MPPED2: variants seen among roughly 807,000 people sequenced by gnomAD.
MPPED2 encodes metallophosphoesterase domain containing 2, also known as metallophosphoesterase MPPED2.
In MPPED2, 5 loss-of-function variants were observed where a neutral mutation model predicts 33.0. The ratio of observed to expected loss-of-function variants is 0.15; its 90% confidence interval spans 0.08 to 0.32. The LOEUF is 0.32. MPPED2 is among the 10% of genes least tolerant of loss of function. MPPED2 has a pLI of 1.00. For synonymous variants in MPPED2, 136 were observed against 141.9 expected (o/e 0.96, Z 0.29); for missense variants, 275 against 372.1 (o/e 0.74, Z 2.15).
intron 2 of MPPED2, among the ~76,000 whole-genome samples, chr11:30,536,877 G>A (rs117162660): frequency 0.025 from 3,733 of 152,180 alleles, 82 homozygotes; most frequent in South Asian, 0.067. Flanking sequence ...TTACACCTGA[G>A]GTTACCAGGA....
At chr11:30,464,097 G>A (rs1628128) in intron 4 of MPPED2, among the ~76,000 whole-genome samples, 12,165 of 152,036 alleles carry the variant, frequency 0.08, 619 homozygotes, top group South Asian at 0.24. Flanking sequence ...TAATAACAAT[G>A]TAAATATTAT....
chr11:30,388,983 G>T lies in MPPED2; in HGVS notation c.767-27C>A. 1.9e-6 allele frequency: 3 copies of T among 1,543,546 alleles called. No individual in the cohort carries two copies. The Middle Eastern group carries it at 5.3e-4, about 275-fold the overall frequency. On this transcript the variant is annotated intron_variant, in intron 6 of 6. Transcript: ENST00000448418. ...TAAAGGGGAGAGAGAGAAAGAGAGA[G>T]GGAGAGAGAGAGAGAGATGAACATG...
intron 6 of MPPED2, among the ~76,000 whole-genome samples, chr11:30,400,385 G>A (rs1363980083): frequency 1.3e-5 from 2 of 152,318 alleles, no homozygotes; most frequent in Admixed American, 6.5e-5. Context: ...TCTATGGAGA[G>A]TATTTTAAGT....
intron 2 of MPPED2, among the ~76,000 whole-genome samples, chr11:30,571,573 C>A (rs1343677474): frequency 6.6e-6 from 1 of 152,044 alleles, no homozygotes; most frequent in African/African-American, 2.4e-5. Context: ...AATAGTCTAA[C>A]CATGCTAGGA....
chr11:30,419,422 T>G (rs1037757562), intron 4 of MPPED2, among the ~76,000 whole-genome samples: 13 of 152,244 alleles, frequency 8.5e-5, no homozygotes, highest in Non-Finnish European at 1.9e-4. Flanking sequence ...GAGTATCTTG[T>G]TGCTTGAAGC....
chr11:30,428,782 A>G (rs1948953600), intron 4 of MPPED2, among the ~76,000 whole-genome samples: 1 of 152,228 alleles, frequency 6.6e-6, no homozygotes, highest in Admixed American at 6.5e-5. Flanking sequence ...GTGATAATAT[A>G]TGTAATACAT....
chr11:30,411,806 T>TTTTCTTTA (rs1338623188), intron 6 of MPPED2, among the ~76,000 whole-genome samples: 1 of 152,182 alleles, frequency 6.6e-6, no homozygotes. Flanking sequence ...AGCAATTTTT[T>TTTTCTTTA]TTTCTTTATT....
intron 2 of MPPED2, among the ~76,000 whole-genome samples, chr11:30,547,223 T>C (rs972900661): frequency 3.9e-5 from 6 of 152,234 alleles, no homozygotes; most frequent in Non-Finnish European, 8.8e-5. Flanking sequence ...CCATCTACTG[T>C]GTTGTGCTAC....
intron 4 of MPPED2, among the ~76,000 whole-genome samples, chr11:30,478,648 T>C (rs1368796869): frequency 1.3e-5 from 2 of 152,148 alleles, no homozygotes; most frequent in Non-Finnish European, 2.9e-5. Context: ...CCCCATCTTG[T>C]TCCTGGACTC....
At chr11:30,519,653 C>A (rs1394562505) in intron 3 of MPPED2, among the ~76,000 whole-genome samples, 1 of 152,014 alleles carries the variant, frequency 6.6e-6, no homozygotes, top group East Asian at 1.9e-4. Context: ...ATAATGGATT[C>A]ACAAAATGAA....
intron 3 of MPPED2, among the ~76,000 whole-genome samples, chr11:30,533,657 AGCTATTCTTG>A (rs1335457827): frequency 1.3e-5 from 2 of 152,002 alleles, no homozygotes; most frequent in Non-Finnish European, 2.9e-5. Context: ...GGTAACAGTG[AGCTATTCTTG>A]GCCTTCTCTA....
chr11:30,578,766 T>C (rs1322958648), intron 2 of MPPED2, among the ~76,000 whole-genome samples: 1 of 152,148 alleles, frequency 6.6e-6, no homozygotes, highest in Non-Finnish European at 1.5e-5. Flanking sequence ...CTTACACAAA[T>C]ATTGTAACAT....
chr11:30,494,671 G>A (rs1390772820), intron 4 of MPPED2, among the ~76,000 whole-genome samples: 1 of 145,650 alleles, frequency 6.9e-6, no homozygotes, highest in African/African-American at 2.5e-5. Flanking sequence ...CCAGGAGGCG[G>A]AGGTTGCAGT....
rs146593271 is a variant in MPPED2 at position 30,450,300 on chromosome 11, C to T, written c.537-32667G>A. ...CCGCCCTCATGGGGTTCCAAGAGTC[C>T]TACTCCTTGTCTATATCAGAATAAT... On this transcript the variant is annotated intron_variant, in intron 4 of 6. Transcript: ENST00000358117. Among the ~76,000 whole-genome samples the T allele has an allele frequency of 4.3e-3, 650 of 152,290 alleles. 6 individuals carry two copies. The highest frequency in any genetic ancestry group is 0.015 in the African/African-American group (612 of 41,556).
At position 30,488,109 on chromosome 11, in the gene MPPED2, G is replaced by A. The variant is rs1481135715; in HGVS notation, c.536+7187C>T. On this transcript the variant is annotated intron_variant, in intron 4 of 6. Coordinates refer to ENST00000358117, the MANE Select transcript of MPPED2 (RefSeq NM_001584.3). ...TAGCTTTGGGCAAGTCACTTTCTCT[G>A]TCAAAAACTCTCTATGTTGGTCTCT... 2.6e-5 allele frequency among the ~76,000 whole-genome samples: 4 copies of A among 152,104 alleles called. No individual in the cohort carries two copies. In the South Asian group the frequency reaches 6.2e-4, roughly 24 times the overall value.
downstream of MPPED2, among the ~76,000 whole-genome samples, chr11:30,405,553 G>A (rs1245204708): frequency 6.6e-6 from 1 of 152,080 alleles, no homozygotes; most frequent in African/African-American, 2.4e-5. Context: ...GTCTTGTAAG[G>A]CAACCCTAAT....
chr11:30,566,614 CAT>C (rs1349065158), intron 2 of MPPED2, among the ~76,000 whole-genome samples: 1 of 152,188 alleles, frequency 6.6e-6, no homozygotes, highest in Admixed American at 6.5e-5. Flanking sequence ...TGGGGAAGCA[CAT>C]GTTAATTCCT....
At chr11:30,506,028 ATTG>A (rs1018773142) in intron 3 of MPPED2, among the ~76,000 whole-genome samples, 26 of 151,904 alleles carry the variant, frequency 1.7e-4, no homozygotes, top group Non-Finnish European at 3.1e-4. Context: ...GATAATTATT[ATTG>A]TTATTATTAT....
At chr11:30,477,770 G>C (rs1951286650) in intron 4 of MPPED2, among the ~76,000 whole-genome samples, 1 of 151,992 alleles carries the variant, frequency 6.6e-6, no homozygotes, top group Non-Finnish European at 1.5e-5. Context: ...AAGATTTTCT[G>C]TAAGATTTCA....
Sources: allele counts gnomAD v4.1 joint callset (sites outside exome capture counted in the v4.1 genomes callset), GRCh38; gene constraint gnomAD v4.1.1; transcripts MANE v1.5; gene names NCBI Gene and HGNC (gene_info 2026-07-23, HGNC 2026-07-21).